ITPK1: variants seen among roughly 807,000 people sequenced by gnomAD.
The protein encoded by ITPK1 is inositol 1,3,4-trisphosphate 5/6-kinase.
Under a neutral mutation model 45.3 loss-of-function variants are expected in ITPK1, and 21 were observed. The observed-to-expected ratio is 0.46, with a 90% CI of 0.33 to 0.67. ITPK1 has a LOEUF of 0.67. Among genes scored for constraint, ITPK1 ranks in the 30% least tolerant of loss-of-function variants. The pLI, the probability that ITPK1 is intolerant of heterozygous loss-of-function variation, is 0.02. For synonymous variants in ITPK1, 258 were observed against 253.6 expected (o/e 1.02, Z -0.16); for missense variants, 474 against 573.5 (o/e 0.83, Z 1.77).
At chr14:92,946,023 C>A (rs1211424978) in intron 10 of ITPK1, among the ~76,000 whole-genome samples, 2 of 152,162 alleles carry the variant, frequency 1.3e-5, no homozygotes, top group Non-Finnish European at 2.9e-5. Context: ...CTCCTTAAAT[C>A]GAGGAGGGCC....
At chr14:93,067,244 C>T (rs1890797970) in intron 3 of ITPK1, among the ~76,000 whole-genome samples, 1 of 152,142 alleles carries the variant, frequency 6.6e-6, no homozygotes, top group African/African-American at 2.4e-5. Context: ...TGACATTTGA[C>T]AGCCAAGCAA....
chr14:93,074,237 C>T (rs1344862446), intron 3 of ITPK1, among the ~76,000 whole-genome samples: 1 of 152,210 alleles, frequency 6.6e-6, no homozygotes, highest in African/African-American at 2.4e-5. Flanking sequence ...TGGTCCCCAG[C>T]CACCACTTCC....
At chr14:93,074,145 CAGG>C (rs1404094083) in intron 3 of ITPK1, among the ~76,000 whole-genome samples, 3 of 152,154 alleles carry the variant, frequency 2.0e-5, no homozygotes, top group East Asian at 3.8e-4. Flanking sequence ...GCAGGGATGC[CAGG>C]AGGAGGTGAA....
chr14:93,112,416 C>T (rs1478582980), intron 2 of ITPK1, among the ~76,000 whole-genome samples: 1 of 151,656 alleles, frequency 6.6e-6, no homozygotes, highest in African/African-American at 2.4e-5. Context: ...CATTCTTTGC[C>T]CAAACATTAA....
chr14:93,097,279 G>A (rs952348438), intron 2 of ITPK1, among the ~76,000 whole-genome samples: 3 of 152,224 alleles, frequency 2.0e-5, no homozygotes, highest in African/African-American at 7.2e-5. Context: ...CCCCTTGAAT[G>A]TTAGCTGGCC....
intron 3 of ITPK1, among the ~76,000 whole-genome samples, chr14:93,056,857 C>T (rs1474745489): frequency 2.6e-5 from 4 of 152,328 alleles, no homozygotes; most frequent in Non-Finnish European, 5.9e-5. Flanking sequence ...GGACAATAAA[C>T]AACCCATTTC....
chr14:92,975,959 C>T (rs994561668), intron 5 of ITPK1, among the ~76,000 whole-genome samples: 1 of 152,146 alleles, frequency 6.6e-6, no homozygotes, highest in Non-Finnish European at 1.5e-5. Context: ...TAAGGGGCTC[C>T]CCCCATGCTC....
intron 2 of ITPK1, among the ~76,000 whole-genome samples, chr14:93,099,639 A>T (rs1297975741): frequency 6.6e-6 from 1 of 152,158 alleles, no homozygotes; most frequent in Non-Finnish European, 1.5e-5. Context: ...AGCCAGATTC[A>T]GGTTTAACTG....
chr14:92,953,553 C>T (rs1235422378), intron 8 of ITPK1, among the ~76,000 whole-genome samples: 1 of 152,242 alleles, frequency 6.6e-6, no homozygotes, highest in Non-Finnish European at 1.5e-5. Context: ...TGTAGCCCAG[C>T]CTGGCTCAGC....
intron 3 of ITPK1, among the ~76,000 whole-genome samples, chr14:93,041,310 C>G (rs1889553386): frequency 6.6e-6 from 1 of 152,218 alleles, no homozygotes. Flanking sequence ...GAAGTCTTCT[C>G]TGACTCCTCC....
In ITPK1 at chr14:93,055,917, C is replaced by T. The variant is rs921807406; in HGVS notation, c.120+20678G>A. Among the ~76,000 whole-genome samples, 7 of 152,228 alleles carry T rather than the reference C, an allele frequency of 4.6e-5. No homozygotes were observed. The South Asian group carries it at 6.2e-4, about 14-fold the overall frequency. ...GGCTGGGGTCTGAGCACCCAGCAGA[C>T]GGGAGGAGCAGCCGGGGCACCCAGT... On this transcript the variant is annotated intron_variant, in intron 3 of 10. Transcript: ENST00000267615.
At chr14:93,087,419 C>T (rs764761047) in intron 2 of ITPK1, among the ~76,000 whole-genome samples, 12 of 152,204 alleles carry the variant, frequency 7.9e-5, no homozygotes, top group African/African-American at 1.7e-4. Context: ...GAGGCTAAGG[C>T]GAGAGGATCA....
Position 93,034,321 on chromosome 14 carries a change from C to T in ITPK1, c.121-17520G>A, listed in dbSNP as rs1213004164. ...AGATGCTCTGGAAAACCTACCCTGA[C>T]CAGAGGCAAAGTGACTGGGCTCACA... On this transcript the variant is annotated intron_variant, in intron 3 of 10. Coordinates refer to ENST00000267615, the MANE Select transcript of ITPK1 (RefSeq NM_014216.6). The surrounding 1 kb of genome is among the most constrained non-coding windows in gnomAD (Gnocchi z 4.1). 6.6e-6 allele frequency among the ~76,000 whole-genome samples: 1 copy of T among 151,374 alleles called. No individual in the cohort carries two copies. Among genetic ancestry groups the T allele is most frequent in the Non-Finnish European group, 1.5e-5 (1 of 67,864 alleles).
intron 2 of ITPK1, among the ~76,000 whole-genome samples, chr14:93,095,340 TAAG>T: frequency 6.6e-6 from 1 of 152,326 alleles, no homozygotes; most frequent in East Asian, 1.9e-4. Flanking sequence ...CCACAGAAGT[TAAG>T]AAGTGCTTTT....
intron 3 of ITPK1, among the ~76,000 whole-genome samples, chr14:93,017,324 T>C (rs1370908797): frequency 2.0e-5 from 3 of 152,224 alleles, no homozygotes; most frequent in African/African-American, 4.8e-5. Flanking sequence ...AATCTAGAAA[T>C]TGCCGCTTTG....
At chr14:92,953,835 A>G (rs963304498) in intron 8 of ITPK1, among the ~76,000 whole-genome samples, 12 of 152,190 alleles carry the variant, frequency 7.9e-5, no homozygotes, top group African/African-American at 2.7e-4. Context: ...TCCTGGCAGG[A>G]AGAGCTGGAG....
At chr14:93,079,167 A>G (rs535801920) in intron 2 of ITPK1, among the ~76,000 whole-genome samples, 3 of 152,254 alleles carry the variant, frequency 2.0e-5, no homozygotes, top group Non-Finnish European at 2.9e-5. Flanking sequence ...CAGATGGAAC[A>G]CATAAAATAA....
chr14:93,110,114 A>G (rs754091719), intron 2 of ITPK1, among the ~76,000 whole-genome samples: 6 of 152,176 alleles, frequency 3.9e-5, no homozygotes, highest in Non-Finnish European at 7.3e-5. Context: ...GTCATGGGGC[A>G]CATAGGCAGT....
chr14:93,088,348 T>G (rs1329312418), intron 2 of ITPK1, among the ~76,000 whole-genome samples: 7 of 146,772 alleles, frequency 4.8e-5, no homozygotes, highest in African/African-American at 1.1e-4. Context: ...TTTGTTTTTT[T>G]TTTTTTTTTG....
Sources: gnomAD v4.1 joint callset for allele counts (sites outside exome capture counted in the v4.1 genomes callset) on GRCh38, gnomAD v4.1.1 for gene constraint, Gnocchi (gnomAD v3.1) non-coding constraint, MANE v1.5 for transcripts, NCBI Gene and HGNC (gene_info 2026-07-23, HGNC 2026-07-21) for gene names.